The following MEGF8 variants were observed in gnomAD, a reference collection of about 807,000 sequenced individuals.
The protein encoded by MEGF8 is multiple epidermal growth factor-like domains protein 8.
In MEGF8, 156 loss-of-function variants were observed where a neutral mutation model predicts 302.9. The ratio of observed to expected loss-of-function variants is 0.52; its 90% confidence interval spans 0.45 to 0.59. The LOEUF is 0.59. Among genes scored for constraint, MEGF8 ranks in the 20% least tolerant of loss-of-function variants. MEGF8 has a pLI of 0.00. For missense variants in MEGF8, 3,345 were observed against 3,964.5 expected (o/e 0.84, Z 4.20); for synonymous variants, 1,621 against 1,660.5 (o/e 0.98, Z 0.58).
chr19:42,349,504 G>A lies in MEGF8; in HGVS notation c.2304G>A (p.Glu768=). 1 of 1,611,154 alleles carries A rather than the reference G, an allele frequency of 6.2e-7. No individual in the cohort carries two copies. The highest frequency in any genetic ancestry group is 8.5e-7 in the Non-Finnish European group (1 of 1,179,394). The change falls in exon 14 of 42, where the codon GAG becomes GAA. Residue 768 remains glutamate, a synonymous_variant. Coordinates refer to ENST00000251268, the MANE Select transcript of MEGF8 (RefSeq NM_001271938.2). ...ARGPDTENME[E]VGRWVAHQEK... ...ATCACTCACACCTACCCCAGGAGGA[G>A]GTGGGGCGCTGGGTGGCTCATCAGG...
In MEGF8 at chr19:42,351,015, T is replaced by C. The variant is rs1206028; in HGVS notation, c.2737-201T>C. On this transcript the variant is annotated intron_variant, in intron 15 of 41. Coordinates refer to ENST00000251268, the MANE Select transcript of MEGF8 (RefSeq NM_001271938.2). The surrounding 1 kb of genome is among the most constrained non-coding windows in gnomAD (Gnocchi z 5.6). ...ACCACACAGAAGGGGTGCTATTGCCTAAAGGAGACAGTGGGTGCTGGGCGG... is the reference window on the plus strand; with the variant it reads ...ACCACACAGAAGGGGTGCTATTGCCCAAAGGAGACAGTGGGTGCTGGGCGG... 0.085 allele frequency: 51,076 copies of C among 600,824 alleles called. 2,648 individuals carry two copies. Among genetic ancestry groups the C allele is most frequent in the South Asian group, 0.16 (7,911 of 49,430 alleles). 37.2% of individuals were successfully genotyped at this position (600,824 alleles called of 1,614,324 possible). A position where few individuals can be genotyped will look rare whatever the true frequency, so the allele number is the denominator to read the frequency against.
chr19:42,358,983 T>G lies in MEGF8; in HGVS notation c.5343+29T>G. 1 of 1,595,224 alleles carries G rather than the reference T, an allele frequency of 6.3e-7. No individual in the cohort carries two copies. Among genetic ancestry groups the G allele is most frequent in the African/African-American group, 1.4e-5 (1 of 73,668 alleles). ...AGATTTGAAGAGGGTTAGGATTGGG[T>G]GGGCTGGTAGGGGGGGATAGGTAGG... On this transcript the variant is annotated intron_variant, in intron 30 of 41. Transcript: ENST00000251268. The surrounding 1 kb of genome is among the most constrained non-coding windows in gnomAD (Gnocchi z 4.4).
At position 42,350,289 on chromosome 19, in the gene MEGF8, T is replaced by C. The variant is rs755995994; in HGVS notation, c.2641T>C (p.Cys881Arg). 2 of 1,610,248 alleles carry C rather than the reference T, an allele frequency of 1.2e-6. No homozygotes were observed. Among genetic ancestry groups the C allele is most frequent in the South Asian group, 1.1e-5 (1 of 91,066 alleles). The change falls in exon 15 of 42, where the codon TGC (cysteine) becomes CGC (arginine). Residue 881 changes from cysteine (C) to arginine (R), a missense_variant. Transcript: ENST00000251268. ...CCACCTGCGCCAGGGCGGAGCCCAT[T>C]GCGGGGATGACGGGGCTGGTGGGTC... ...TCHLRQGGAH[C>R]GDDGAGGSLL...
rs1453706530 is a variant in MEGF8 at position 42,368,293 on chromosome 19, A to G, written c.6274-162A>G. Among the ~76,000 whole-genome samples, 1 of 152,154 alleles carries G rather than the reference A, an allele frequency of 6.6e-6. No homozygotes were observed. The highest frequency in any genetic ancestry group is 1.5e-5 in the Non-Finnish European group (1 of 68,020). On this transcript the variant is annotated intron_variant, in intron 35 of 41. Coordinates refer to ENST00000251268, the MANE Select transcript of MEGF8 (RefSeq NM_001271938.2). This position sits in a 1 kb window ranked among gnomAD's most constrained non-coding sequence, Gnocchi z 4.9. ...TAGTTACAAACGCTTGAGAGGGAAAACATGATGACCCCAGCTAGTGTCCAC... is the reference window on the plus strand; with the variant it reads ...TAGTTACAAACGCTTGAGAGGGAAAGCATGATGACCCCAGCTAGTGTCCAC...
rs1158561358 is a variant in MEGF8, at chr19:42,375,732, G to T, written c.7495G>T (p.Ala2499Ser). 1.9e-6 allele frequency: 3 copies of T among 1,612,242 alleles called. No individual in the cohort carries two copies. The highest frequency in any genetic ancestry group is 2.5e-6 in the Non-Finnish European group (3 of 1,179,496). Residue 2499 changes from alanine to serine, a missense_variant, in exon 42 of 42, where the codon GCC becomes TCC. Coordinates refer to ENST00000251268, the MANE Select transcript of MEGF8 (RefSeq NM_001271938.2). The surrounding 1 kb of genome is among the most constrained non-coding windows in gnomAD (Gnocchi z 7.1). ...IRLTLDVTFG[A>S]VDLYVSTSYD... ...CCTGACGCTGGACGTGACCTTCGGG[G>T]CCGTGGACCTCTATGTCTCCACCTC...
At position 42,352,774 on chromosome 19, in the gene MEGF8, ATGGAGTTACCT is replaced by A. The variant is rs554122677; in HGVS notation, c.3351-148_3351-138del. 3.0e-6 allele frequency: 2 copies of A among 657,768 alleles called. No homozygotes were observed. The highest frequency in any genetic ancestry group is 1.8e-5 in the African/African-American group (1 of 54,974). The allele number at this position is 657,768 out of a possible 1,614,324, so 40.7% of individuals were successfully genotyped here. On this transcript the variant is annotated intron_variant, in intron 19 of 41. Coordinates refer to ENST00000251268, the MANE Select transcript of MEGF8 (RefSeq NM_001271938.2). The surrounding 1 kb of genome is among the most constrained non-coding windows in gnomAD (Gnocchi z 4.4). ...GCTATAGAGACAGGCTTGGTGATGC[ATGGAGTTACCT>A]TGGAGACAGGGTCACCCACATAGCC... is the stretch of plus-strand genomic sequence containing the variant.
At chr19:42,335,460 C>G (rs1191696031) in intron 5 of MEGF8, 75 bp downstream of exon 5, 3 of 1,343,318 alleles carry the variant, frequency 2.2e-6, no homozygotes, top group South Asian at 1.2e-5. Flanking sequence ...GGAATGATCC[C>G]CTATCACCTA....
chr19:42,362,271 G>C, intron 33 of MEGF8, 58 bp downstream of exon 33: 2 of 1,609,824 alleles, frequency 1.2e-6, no homozygotes, highest in Non-Finnish European at 1.7e-6. Flanking sequence ...GGAGGTCCTG[G>C]TCTCCACTCT....
In MEGF8 at chr19:42,352,589, T is replaced by C; in HGVS notation, c.3350+133T>C. On this transcript the variant is annotated intron_variant, in intron 19 of 41. Coordinates refer to ENST00000251268, the MANE Select transcript of MEGF8 (RefSeq NM_001271938.2). This position sits in a 1 kb window ranked among gnomAD's most constrained non-coding sequence, Gnocchi z 4.4. ...CCCCAGTTAGCCAGGGGTTTTTACC[T>C]TGCACACTAGGTCCTTATTAGAGTG... 8.4e-7 allele frequency: 1 copy of C among 1,186,502 alleles called. No homozygotes were observed. Among genetic ancestry groups the C allele is most frequent in the South Asian group, 1.5e-5 (1 of 65,016 alleles). The allele number at this position is 1,186,502 out of a possible 1,614,324, so 73.5% of individuals were successfully genotyped here.
chr19:42,349,028 G>T (rs1284961812), intron 13 of MEGF8, among the ~76,000 whole-genome samples: 1 of 152,220 alleles, frequency 6.6e-6, no homozygotes, highest in Non-Finnish European at 1.5e-5. Flanking sequence ...GGCTGGGCAT[G>T]GAGGTGTACA....
chr19:42,332,455 C>T (rs2039067743), intron 1 of MEGF8, among the ~76,000 whole-genome samples: 2 of 152,276 alleles, frequency 1.3e-5, no homozygotes, highest in Admixed American at 1.3e-4. Context: ...GCAACCTCTG[C>T]CTCCCAGGTT....
In MEGF8 at chr19:42,375,902, C is replaced by G. The variant is rs532380579; in HGVS notation, c.7665C>G (p.Ser2555Arg). The change falls in exon 42 of 42, where the codon AGC (serine) becomes AGG (arginine). Residue 2555 changes from serine (S) to arginine (R), a missense_variant. Transcript: ENST00000251268. This position sits in a 1 kb window ranked among gnomAD's most constrained non-coding sequence, Gnocchi z 7.1. ...GAGDPGGAGASSGPGAPAEPR... is the reference protein window; with the variant it reads ...GAGDPGGAGARSGPGAPAEPR... ...GGGATCCAGGAGGAGCAGGGGCCAG[C>G]AGTGGGCCGGGCGCCCCAGCAGAGC... The G allele has an allele frequency of 3.1e-6, 5 of 1,600,804 alleles. No homozygotes were observed. In the South Asian group the frequency reaches 5.6e-5, roughly 18 times the overall value.
Position 42,362,460 on chromosome 19 carries a change from C to T in MEGF8, c.5921C>T (p.Ser1974Phe). ...ATTGGACGCAATGGGTCCTGCACCT[C>T]TGAGAATGACTGTCGGATCAACCAG... The part of the protein sequence containing the change: ...ACIGRNGSCT[S>F]ENDCRINQRE... Residue 1974 changes from serine to phenylalanine, a missense_variant, in exon 34 of 42, where the codon TCT becomes TTT. Transcript: ENST00000251268. The T allele has an allele frequency of 6.2e-7, 1 of 1,614,016 alleles. No homozygotes were observed. Among genetic ancestry groups the T allele is most frequent in the Non-Finnish European group, 8.5e-7 (1 of 1,179,892 alleles).
intron 32 of MEGF8, 30 bp from the exon 33 acceptor site, chr19:42,362,060 T>A (rs1291683946): frequency 3.7e-6 from 6 of 1,608,020 alleles, no homozygotes; most frequent in Middle Eastern, 3.4e-4. Context: ...TCTGGATGGG[T>A]GTGAGTGAGC....
rs986870885 is a variant in MEGF8, at chr19:42,370,977, C to G, written c.7136+146C>G. ...GAGGATGACATCCCCAGGGAGCGCC[C>G]AGGCTGGGGTCAGGGTAGGGAAGGA... On this transcript the variant is annotated intron_variant, in intron 40 of 41. Coordinates refer to ENST00000251268, the MANE Select transcript of MEGF8 (RefSeq NM_001271938.2). 90 of 588,046 alleles carry G rather than the reference C, an allele frequency of 1.5e-4. 1 individual carries two copies. Among genetic ancestry groups the G allele is most frequent in the Non-Finnish European group, 2.7e-4 (87 of 326,864 alleles). The allele number at this position is 588,046 out of a possible 1,614,324, so 36.4% of individuals were successfully genotyped here. A position where few individuals can be genotyped will look rare whatever the true frequency, so the allele number is the denominator to read the frequency against.
intron 8 of MEGF8, among the ~76,000 whole-genome samples, chr19:42,337,583 G>A (rs1374403310): frequency 7.0e-6 from 1 of 143,774 alleles, no homozygotes; most frequent in African/African-American, 2.6e-5. Context: ...TCAGCTCACT[G>A]CAGGCTCCAC....
chr19:42,340,013 G>A (rs915335472), intron 8 of MEGF8, among the ~76,000 whole-genome samples: 3 of 152,062 alleles, frequency 2.0e-5, no homozygotes, highest in Non-Finnish European at 2.9e-5. Flanking sequence ...AGCTGAGTTC[G>A]CACCACTGCA....
Position 42,369,632 on chromosome 19 carries a change from A to G in MEGF8, c.6743A>G (p.Asn2248Ser). Reference protein sequence around the residue: ...CRCHFGFVGRNCSTECRCNRH... With the variant: ...CRCHFGFVGRSCSTECRCNRH... ...TGCCACTTTGGCTTTGTGGGCCGCA[A>G]CTGCTCCACGGAATGCCGCTGCAAC... The change falls in exon 38 of 42, where the codon AAC becomes AGC. Residue 2248 changes from asparagine to serine, a missense_variant. Physicochemically the swap from Asn to Ser is conservative, Grantham distance 46 (BLOSUM62 1). Coordinates refer to ENST00000251268, the MANE Select transcript of MEGF8 (RefSeq NM_001271938.2). This position sits in a 1 kb window ranked among gnomAD's most constrained non-coding sequence, Gnocchi z 5.7. 1 of 1,612,984 alleles carries G rather than the reference A, an allele frequency of 6.2e-7. No homozygotes were observed. The highest frequency in any genetic ancestry group is 8.5e-7 in the Non-Finnish European group (1 of 1,179,760).
chr19:42,352,086 C>G lies in MEGF8; in HGVS notation c.3102-122C>G. 2.3e-6 allele frequency: 3 copies of G among 1,301,778 alleles called. No homozygotes were observed. The highest frequency in any genetic ancestry group is 3.1e-6 in the Non-Finnish European group (3 of 971,640). The allele number at this position is 1,301,778 out of a possible 1,614,324, so 80.6% of individuals were successfully genotyped here. ...GACTTCTCCTGGTTTCTCTGTCTCT[C>G]TTTCCAAATTTGTATTTGCATCCCT... On this transcript the variant is annotated intron_variant, in intron 18 of 41. Transcript: ENST00000251268. This position sits in a 1 kb window ranked among gnomAD's most constrained non-coding sequence, Gnocchi z 4.4.
Sources: allele counts gnomAD v4.1 joint callset (sites outside exome capture counted in the v4.1 genomes callset), GRCh38; gene constraint gnomAD v4.1.1; non-coding constraint Gnocchi (gnomAD v3.1); transcripts MANE v1.5; gene names NCBI Gene and HGNC (gene_info 2026-07-23, HGNC 2026-07-21).